The following CACNA1H variants were observed in gnomAD, a reference collection of about 807,000 sequenced individuals.
CACNA1H encodes the protein voltage-dependent T-type calcium channel subunit alpha-1H.
In CACNA1H, 149 loss-of-function variants were observed where a neutral mutation model predicts 192.5. The observed-to-expected ratio is 0.77, with a 90% CI of 0.68 to 0.89. CACNA1H has a LOEUF of 0.89. Ranked by LOEUF, CACNA1H falls within the 40% of genes least tolerant of loss-of-function variation. The probability of loss-of-function intolerance (pLI) is 0.00; values close to 1 mark genes in which losing one functional copy is unlikely to be tolerated. For synonymous variants in CACNA1H, 2,202 were observed against 1,475.2 expected (o/e 1.49, Z -11.29); for missense variants, 4,257 against 3,423.5 (o/e 1.24, Z -6.08).
chr16:1,213,520 TCCAGCCCAGGCCTCCTGGCCTAG>T (rs972642877), intron 26 of CACNA1H, among the ~76,000 whole-genome samples: 3 of 152,024 alleles, frequency 2.0e-5, no homozygotes, highest in Non-Finnish European at 4.4e-5. Flanking sequence ...GAAGGCCTGC[TCCAGCCCAGGCCTCCTGGCCTAG>T]CCAGCTCCCC....
At chr16:1,188,579 C>A (rs527475976) in intron 2 of CACNA1H, among the ~76,000 whole-genome samples, 63 of 152,338 alleles carry the variant, frequency 4.1e-4, no homozygotes, top group African/African-American at 1.4e-3. Context: ...GCCTTGCTGC[C>A]CCCCACACAA....
In CACNA1H at chr16:1,209,285, C is replaced by T. The variant is rs200055979; in HGVS notation, c.3617C>T (p.Pro1206Leu). The change falls in exon 17 of 35, where the codon CCG (proline) becomes CTG (leucine). Residue 1206 changes from proline to leucine, a missense_variant. Physicochemically the swap from Pro to Leu is moderately conservative, Grantham distance 98 (BLOSUM62 -3). Transcript: ENST00000348261. ...TCCCTGGACCCACGGCCCCTGCGGC[C>T]GGCCGCCCTCCCGCCTACCAAGTGC... ...AESLDPRPLR[P>L]AALPPTKCRD... 1.9e-4 allele frequency: 297 copies of T among 1,567,930 alleles called. 1 individual carries two copies. In the African/African-American group the frequency reaches 3.2e-3, roughly 17 times the overall value.
chr16:1,160,992 G>A (rs1963127526), intron 2 of CACNA1H, among the ~76,000 whole-genome samples: 1 of 152,172 alleles, frequency 6.6e-6, no homozygotes, highest in Non-Finnish European at 1.5e-5. Context: ...GGCTGGCAGG[G>A]AGAGGATCCG....
At position 1,208,158 on chromosome 16, in the gene CACNA1H, C is replaced by T. The variant is rs568667163; in HGVS notation, c.3300C>T (p.Leu1100=). Residue 1100 remains leucine, a synonymous_variant, in exon 16 of 35, where the codon CTC becomes CTT. Coordinates refer to ENST00000348261, the MANE Select transcript of CACNA1H (RefSeq NM_021098.3). ...CATTCCTGGATGCAGCCCCCAGCCT[C>T]CCAGACTCTCGGCGTGGCAGCAGCA... The part of the protein sequence containing the change: ...SSPFLDAAPS[L]PDSRRGSSSS... The T allele has an allele frequency of 7.7e-5, 121 of 1,576,016 alleles. 1 individual carries two copies. In the Admixed American group the frequency reaches 2.1e-3, roughly 27 times the overall value.
At chr16:1,193,023 G>A (rs1029399194) in intron 2 of CACNA1H, among the ~76,000 whole-genome samples, 1 of 152,174 alleles carries the variant, frequency 6.6e-6, no homozygotes, top group Non-Finnish European at 1.5e-5. Flanking sequence ...CCCAGGGAGA[G>A]GCAGTGCCAC....
At chr16:1,204,783 T>TG (rs1385861528) in intron 10 of CACNA1H, among the ~76,000 whole-genome samples, 62 of 88,922 alleles carry the variant, frequency 7.0e-4, no homozygotes, top group East Asian at 1.4e-3. Context: ...GAGCCGTGGG[T>TG]GGGGCCCCAG....
rs544606773 is a variant in CACNA1H, at chr16:1,199,857, C to T, written c.804-399C>T. 1.4e-4 allele frequency among the ~76,000 whole-genome samples: 22 copies of T among 152,232 alleles called. No individual in the cohort carries two copies. The South Asian group carries it at 1.5e-3, about 10-fold the overall frequency. On this transcript the variant is annotated intron_variant, in intron 6 of 34. Coordinates refer to ENST00000348261, the MANE Select transcript of CACNA1H (RefSeq NM_021098.3). ...CCTCCCCTCGTCCCTTGCCCTTTGC[C>T]CCTCATCCGCTTCCAGGAGTTGCTG...
chr16:1,168,244 A>G (rs1401391944), intron 2 of CACNA1H, among the ~76,000 whole-genome samples: 4 of 151,320 alleles, frequency 2.6e-5, no homozygotes, highest in Admixed American at 2.6e-4. Context: ...TGAGCCCACC[A>G]TGTCCAGTCT....
In CACNA1H at chr16:1,211,202, G is replaced by C; in HGVS notation, c.4258G>C (p.Val1420Leu). ...CCGGGCCCCGGGCCTCAAGCTGGTG[G>C]TGGAGACGCTGATATCATCACTCAG... ...ISRAPGLKLVVETLISSLRPI... is the reference protein window; with the variant it reads ...ISRAPGLKLVLETLISSLRPI... The change falls in exon 22 of 35, where the codon GTG (valine) becomes CTG (leucine). Residue 1420 changes from valine (V) to leucine (L), a missense_variant. Transcript: ENST00000348261. 1 of 1,612,988 alleles carries C rather than the reference G, an allele frequency of 6.2e-7. No homozygotes were observed. The highest frequency in any genetic ancestry group is 8.5e-7 in the Non-Finnish European group (1 of 1,179,770).
chr16:1,211,361 T>A (rs888053244), intron 22 of CACNA1H, 67 bp downstream of exon 22: 17 of 1,607,898 alleles, frequency 1.1e-5, no homozygotes, highest in Admixed American at 1.7e-5. Flanking sequence ...CCAGCGTGGC[T>A]CCCAGCAGCG....
Position 1,207,031 on chromosome 16 carries a change from G to A in CACNA1H, c.2820G>A (p.Lys940=), listed in dbSNP as rs1407957331. ...TGGGCATGCACCTTTTCGGCTGCAA[G>A]TTCAGCCTGAAGACAGACACCGGAG... The part of the protein sequence containing the change: ...SILGMHLFGC[K]FSLKTDTGDT... Residue 940 remains lysine, a synonymous_variant, in exon 13 of 35, where the codon AAG becomes AAA. Coordinates refer to ENST00000348261, the MANE Select transcript of CACNA1H (RefSeq NM_021098.3). 4 of 1,598,582 alleles carry A rather than the reference G, an allele frequency of 2.5e-6. No homozygotes were observed. The African/African-American group carries it at 5.4e-5, about 21-fold the overall frequency.
chr16:1,202,602 A>G (rs1180260169), intron 9 of CACNA1H, 150 bp downstream of exon 9: 5 of 732,692 alleles, frequency 6.8e-6, no homozygotes, highest in East Asian at 3.0e-5. Flanking sequence ...TCTGGAGCCC[A>G]TAAGAAGGGG....
In CACNA1H at chr16:1,204,221, C is replaced by G; in HGVS notation, c.2214C>G (p.Asp738Glu). 1 of 1,611,794 alleles carries G rather than the reference C, an allele frequency of 6.2e-7. No individual in the cohort carries two copies. The highest frequency in any genetic ancestry group is 1.1e-5 in the South Asian group (1 of 90,966). Residue 738 changes from aspartate to glutamate, a missense_variant, in exon 10 of 35, where the codon GAC becomes GAG. Asp to Glu is a conservative substitution (Grantham distance 45). Transcript: ENST00000348261. Reference protein sequence around the residue: ...YEFTQDVRHGDRWDPTRPPRA... With the variant: ...YEFTQDVRHGERWDPTRPPRA... ...TCACGCAGGACGTCCGGCACGGTGA[C>G]CGCTGGGACCCCACGCGACCACCCC...
At chr16:1,193,498 C>T (rs914271270) in intron 2 of CACNA1H, among the ~76,000 whole-genome samples, 2 of 152,258 alleles carry the variant, frequency 1.3e-5, no homozygotes, top group Admixed American at 1.3e-4. Context: ...CTCACACACT[C>T]TGGCCGCTGG....
rs1413817331 is a variant in CACNA1H at position 1,220,219 on chromosome 16, C to T, written c.6287C>T (p.Pro2096Leu). ...GGAGAGGAGGCCGAGGCCTCGGACCCAGCCGACGAGGAGGTCAGCCACATC... is the reference window on the plus strand; with the variant it reads ...GGAGAGGAGGCCGAGGCCTCGGACCTAGCCGACGAGGAGGTCAGCCACATC... ...PGGEEAEASDPADEEVSHITS... is the reference protein window; with the variant it reads ...PGGEEAEASDLADEEVSHITS... Residue 2096 changes from proline (P) to leucine (L), a missense_variant, in exon 35 of 35, where the codon CCA (proline) becomes CTA (leucine). Coordinates refer to ENST00000348261, the MANE Select transcript of CACNA1H (RefSeq NM_021098.3). 1.3e-6 allele frequency: 2 copies of T among 1,575,994 alleles called. No homozygotes were observed. The highest frequency in any genetic ancestry group is 1.4e-5 in the African/African-American group (1 of 72,352).
intron 26 of CACNA1H, 29 bp downstream of exon 26, chr16:1,212,557 C>G: frequency 6.2e-7 from 1 of 1,605,410 alleles, no homozygotes; most frequent in South Asian, 1.1e-5. Context: ...ATGCCTCAGG[C>G]CCCGCTTCTG....
At chr16:1,175,423 C>G (rs533557606) in intron 2 of CACNA1H, among the ~76,000 whole-genome samples, 74 of 152,246 alleles carry the variant, frequency 4.9e-4, no homozygotes, top group Middle Eastern at 6.8e-3. Context: ...GAGACAGGGT[C>G]TGGGGCCCTC....
chr16:1,197,061 C>G (rs573184418), intron 5 of CACNA1H, among the ~76,000 whole-genome samples: 1 of 152,338 alleles, frequency 6.6e-6, no homozygotes, highest in East Asian at 1.9e-4. Context: ...AGGCTAGGCA[C>G]TCCTTCCCAT....
chr16:1,215,254 G>C lies in CACNA1H; in HGVS notation c.5052G>C (p.Leu1684=). The change falls in exon 29 of 35, where the codon CTG becomes CTC. Residue 1684 remains leucine (L), a synonymous_variant. Coordinates refer to ENST00000348261, the MANE Select transcript of CACNA1H (RefSeq NM_021098.3). ...TCCGGCCACACAGGTGGAACCAGCT[G>C]GACCTGGCCATCGTGCTGCTGTCAC... ...RRFFKDRWNQ[L]DLAIVLLSLM... is the part of the protein sequence containing the mutation. 6.2e-7 allele frequency: 1 copy of C among 1,604,676 alleles called. No individual in the cohort carries two copies.
Sources: gnomAD v4.1 joint callset for allele counts (sites outside exome capture counted in the v4.1 genomes callset) on GRCh38, gnomAD v4.1.1 for gene constraint, MANE v1.5 for transcripts, NCBI Gene and HGNC (gene_info 2026-07-23, HGNC 2026-07-21) for gene names.